PDE3A: variants seen among roughly 807,000 people sequenced by gnomAD.
PDE3A encodes cGMP-inhibited 3',5'-cyclic phosphodiesterase 3A.
PDE3A carries 43 observed loss-of-function variants against 98.3 expected under a neutral mutation model. That is an observed-to-expected ratio of 0.44 (90% confidence interval 0.34 to 0.56). The LOEUF (loss-of-function observed/expected upper bound fraction) is 0.56, where lower values mean the gene tolerates loss of function less well. Among genes scored for constraint, PDE3A ranks in the 20% least tolerant of loss-of-function variants. The probability of loss-of-function intolerance (pLI) is 0.01; values close to 1 mark genes in which losing one functional copy is unlikely to be tolerated. For missense variants in PDE3A, 1,427 were observed against 1,440.7 expected (o/e 0.99, Z 0.15); for synonymous variants, 663 against 567.9 (o/e 1.17, Z -2.38).
chr12:20,632,553 G>A (rs1430706191), intron 6 of PDE3A, among the ~76,000 whole-genome samples: 1 of 152,198 alleles, frequency 6.6e-6, no homozygotes, highest in African/African-American at 2.4e-5. Flanking sequence ...AGACAGAAGA[G>A]GGAAGAGCCA....
intron 2 of PDE3A, among the ~76,000 whole-genome samples, chr12:20,600,844 G>A (rs1311309297): frequency 2.0e-5 from 3 of 152,146 alleles, no homozygotes; most frequent in African/African-American, 7.2e-5. Context: ...GAGGTTGAAT[G>A]TTTTAAGATG....
intron 15 of PDE3A, among the ~76,000 whole-genome samples, chr12:20,663,761 T>C (rs752199553): frequency 1.3e-5 from 2 of 152,162 alleles, no homozygotes; most frequent in African/African-American, 4.8e-5. Context: ...TTGTCTCAGA[T>C]GAGACCTTGG....
chr12:20,410,421 C>A (rs1430908204), intron 1 of PDE3A, among the ~76,000 whole-genome samples: 2 of 152,200 alleles, frequency 1.3e-5, no homozygotes, highest in African/African-American at 4.8e-5. Context: ...AACATAATTT[C>A]TGTTCTTTCT....
At chr12:20,675,484 T>A (rs904602143) in intron 15 of PDE3A, among the ~76,000 whole-genome samples, 15 of 152,332 alleles carry the variant, frequency 9.8e-5, no homozygotes, top group African/African-American at 3.6e-4. Flanking sequence ...CTAGATGAGC[T>A]GTCTGGTTCT....
chr12:20,613,728 G>T (rs1333414841), intron 3 of PDE3A, 28 bp downstream of exon 3: 6 of 1,585,216 alleles, frequency 3.8e-6, no homozygotes, highest in Middle Eastern at 1.7e-4. Context: ...ACCCCTTAAA[G>T]GGTTAAACTA....
chr12:20,421,625 C>G (rs1325430080), intron 1 of PDE3A, among the ~76,000 whole-genome samples: 2 of 150,026 alleles, frequency 1.3e-5, no homozygotes, highest in Non-Finnish European at 3.0e-5. Context: ...ACCACCCATG[C>G]TCACTTTTGT....
chr12:20,483,314 C>T lies in PDE3A; in HGVS notation c.961-73346C>T, dbSNP rs150779242. Among the ~76,000 whole-genome samples the T allele has an allele frequency of 3.6e-3, 547 of 152,088 alleles. 5 individuals are homozygous for T. The highest frequency in any genetic ancestry group is 0.012 in the African/African-American group (511 of 41,474). On this transcript the variant is annotated intron_variant, in intron 1 of 15. Coordinates refer to ENST00000359062, the MANE Select transcript of PDE3A (RefSeq NM_000921.5). ...TGAGCCAGGAGAATTGTTTGAACCC[C>T]GGAGGCGGAGGTTGCAGTGAGCCGA...
At position 20,552,130 on chromosome 12, in the gene PDE3A, C is replaced by G; in HGVS notation, c.961-4530C>G. The G allele has an allele frequency of 1.2e-6, 2 of 1,613,560 alleles. No homozygotes were observed. Among genetic ancestry groups the G allele is most frequent in the Non-Finnish European group, 1.7e-6 (2 of 1,179,894 alleles). ...CGCGGAACAGTCTTGTGATCAGAAACTCACCAACACCAACAGGGCGCTGGC... is the reference window on the plus strand; with the variant it reads ...CGCGGAACAGTCTTGTGATCAGAAAGTCACCAACACCAACAGGGCGCTGGC... On this transcript the variant is annotated intron_variant, in intron 1 of 15. Transcript: ENST00000359062. This position sits in a 1 kb window ranked among gnomAD's most constrained non-coding sequence, Gnocchi z 5.1.
chr12:20,624,613 A>G (rs1429138859), intron 5 of PDE3A, among the ~76,000 whole-genome samples: 1 of 152,290 alleles, frequency 6.6e-6, no homozygotes, highest in African/African-American at 2.4e-5. Flanking sequence ...TGGATTTTGC[A>G]TTGTGGCATC....
intron 2 of PDE3A, among the ~76,000 whole-genome samples, chr12:20,601,230 TTTTGTTTGTTTG>T (rs72133519): frequency 1.8e-3 from 279 of 151,436 alleles, no homozygotes; most frequent in African/African-American, 5.6e-3. Flanking sequence ...CTCCAAGGCT[TTTTGTTTGTTTG>T]TTTGTTTGTT....
At chr12:20,592,264 T>C (rs1481726745) in intron 2 of PDE3A, among the ~76,000 whole-genome samples, 1 of 152,154 alleles carries the variant, frequency 6.6e-6, no homozygotes, top group African/African-American at 2.4e-5. Flanking sequence ...AGTGTACTAA[T>C]TACAGTGGAA....
At chr12:20,487,481 T>G (rs1382131544) in intron 1 of PDE3A, among the ~76,000 whole-genome samples, 3 of 113,418 alleles carry the variant, frequency 2.6e-5, no homozygotes, top group Non-Finnish European at 1.7e-5. Context: ...CTGGTCAACA[T>G]GGTGAAACCC....
intron 1 of PDE3A, chr12:20,553,071 G>T (rs1942260851): frequency 9.7e-7 from 1 of 1,028,832 alleles, no homozygotes; most frequent in East Asian, 2.6e-5. Context: ...TCGTTCATCG[G>T]CACTGATTTT....
intron 1 of PDE3A, among the ~76,000 whole-genome samples, chr12:20,475,541 C>T (rs371282512): frequency 6.6e-6 from 1 of 151,966 alleles, no homozygotes; most frequent in African/African-American, 2.4e-5. Flanking sequence ...CCAGCCTGGC[C>T]AACGTGGTGA....
rs1301351721 is a variant in PDE3A at position 20,684,799 on chromosome 12, A to T, written c.*4528A>T. Among the ~76,000 whole-genome samples the T allele has an allele frequency of 2.0e-5, 3 of 152,254 alleles. No homozygotes were observed. The highest frequency in any genetic ancestry group is 7.2e-5 in the African/African-American group (3 of 41,478). On this transcript the variant is annotated 3_prime_UTR_variant, in exon 16 of 16. Coordinates refer to ENST00000359062, the MANE Select transcript of PDE3A (RefSeq NM_000921.5). Reference sequence around the variant, plus strand: ...ACACATCAATTTGTTCATCTGGAAGATATTCAAATTCTTATTGGGAATGAA... The same window carrying T: ...ACACATCAATTTGTTCATCTGGAAGTTATTCAAATTCTTATTGGGAATGAA...
chr12:20,589,878 A>G lies in PDE3A; in HGVS notation c.1012-23565A>G, dbSNP rs199599227. Reference sequence around the variant, plus strand: ...AGCAAGACTGCATCTTAAAAAAAAAAAAAAAAAAAAAGAAAAAAAATTAGT... The same window carrying G: ...AGCAAGACTGCATCTTAAAAAAAAAGAAAAAAAAAAAGAAAAAAAATTAGT... On this transcript the variant is annotated intron_variant, in intron 2 of 15. Coordinates refer to ENST00000359062, the MANE Select transcript of PDE3A (RefSeq NM_000921.5). 5.4e-3 allele frequency among the ~76,000 whole-genome samples: 815 copies of G among 151,758 alleles called. 13 individuals are homozygous for G. In the East Asian group the frequency reaches 0.054, roughly 10 times the overall value.
chr12:20,582,511 ATAAT>A (rs1287213250), intron 2 of PDE3A, among the ~76,000 whole-genome samples: 6 of 152,158 alleles, frequency 3.9e-5, no homozygotes, highest in Non-Finnish European at 1.5e-5. Context: ...TGCATGATTA[ATAAT>A]TATATTTTAA....
At chr12:20,387,658 C>T (rs1943837198) in intron 1 of PDE3A, among the ~76,000 whole-genome samples, 1 of 151,978 alleles carries the variant, frequency 6.6e-6, no homozygotes, top group Non-Finnish European at 1.5e-5. Flanking sequence ...ATACAGAGCA[C>T]TTCAGTGATA....
intron 4 of PDE3A, among the ~76,000 whole-genome samples, chr12:20,617,957 T>C (rs1312456511): frequency 6.6e-6 from 1 of 152,090 alleles, no homozygotes; most frequent in Non-Finnish European, 1.5e-5. Flanking sequence ...AAATGGATCA[T>C]CCAAATATTT....
Sources: allele counts gnomAD v4.1 joint callset (sites outside exome capture counted in the v4.1 genomes callset), GRCh38; gene constraint gnomAD v4.1.1; non-coding constraint Gnocchi (gnomAD v3.1); transcripts MANE v1.5; gene names NCBI Gene and HGNC (gene_info 2026-07-23, HGNC 2026-07-21).